The following ZBTB2 variants were observed in gnomAD, a reference collection of about 807,000 sequenced individuals.
ZBTB2 encodes zinc finger and BTB domain-containing protein 2.
ZBTB2 carries 2 observed loss-of-function variants against 39.5 expected under a neutral mutation model. The observed-to-expected ratio is 0.05, with a 90% CI of 0.02 to 0.16. The LOEUF (loss-of-function observed/expected upper bound fraction) is 0.16, where lower values mean the gene tolerates loss of function less well. Ranked by LOEUF, ZBTB2 falls within the 10% of genes least tolerant of loss-of-function variation. The pLI is 1.00. For missense variants in ZBTB2, 391 were observed against 653.0 expected (o/e 0.60, Z 4.37); for synonymous variants, 251 against 256.6 (o/e 0.98, Z 0.21).
chr6:151,372,934 C>CA (rs969169664), intron 2 of ZBTB2, among the ~76,000 whole-genome samples: 8 of 151,866 alleles, frequency 5.3e-5, no homozygotes, highest in Non-Finnish European at 1.2e-4. Context: ...GCGGGCAGAT[C>CA]ACGAGGTCAG....
intron 1 of ZBTB2, among the ~76,000 whole-genome samples, chr6:151,386,695 T>G (rs1218719559): frequency 6.6e-6 from 1 of 152,238 alleles, no homozygotes; most frequent in Non-Finnish European, 1.5e-5. Flanking sequence ...GAGTTTCAAA[T>G]GTGTTTAACT....
intron 1 of ZBTB2, among the ~76,000 whole-genome samples, chr6:151,386,448 T>C (rs1006396940): frequency 2.6e-5 from 4 of 152,150 alleles, no homozygotes; most frequent in Non-Finnish European, 5.9e-5. Context: ...GTGGGAGGAT[T>C]GCTTGAGCCA....
chr6:151,387,391 C>T (rs1351821858), intron 1 of ZBTB2, among the ~76,000 whole-genome samples: 2 of 151,926 alleles, frequency 1.3e-5, no homozygotes, highest in African/African-American at 4.8e-5. Context: ...GCGGAAAAGG[C>T]CATAACAACT....
At chr6:151,373,344 CA>C (rs1778827928) in intron 2 of ZBTB2, 120 bp downstream of exon 2, 2 of 1,112,114 alleles carry the variant, frequency 1.8e-6, no homozygotes, top group East Asian at 2.4e-5. Context: ...AGTGAGGCCA[CA>C]AGGGAGCAGG....
intron 1 of ZBTB2, among the ~76,000 whole-genome samples, chr6:151,390,611 C>G (rs1389625886): frequency 6.6e-6 from 1 of 151,142 alleles, no homozygotes; most frequent in African/African-American, 2.4e-5. Flanking sequence ...CAGCGCGAGA[C>G]CCGAGGAGGC....
chr6:151,373,843 T>TAAAAAAAAAAAAAAAAAAAAAAAAAA, intron 1 of ZBTB2, among the ~76,000 whole-genome samples, 194 bp from the exon 2 acceptor site: 1 of 45,958 alleles, frequency 2.2e-5, no homozygotes, highest in African/African-American at 6.3e-5. Context: ...ATTATGCCTT[T>TAAAAAAAAAAAAAAAAAAAAAAAAAA]AAAAAAAAAA....
intron 1 of ZBTB2, among the ~76,000 whole-genome samples, chr6:151,375,644 T>C (rs4870014): frequency 1 from 152,242 of 152,350 alleles, 76,067 homozygotes; most frequent in Middle Eastern, 1. Flanking sequence ...GCAACCTCCA[T>C]CTCCTGGGTT....
intron 1 of ZBTB2, among the ~76,000 whole-genome samples, chr6:151,375,758 G>C (rs1778894088): frequency 6.6e-6 from 1 of 152,002 alleles, no homozygotes; most frequent in Non-Finnish European, 1.5e-5. Context: ...TAGTAGAGAT[G>C]GGGTTTCACC....
intron 1 of ZBTB2, among the ~76,000 whole-genome samples, chr6:151,385,218 TAAA>T (rs1779127389): frequency 6.6e-6 from 1 of 152,206 alleles, no homozygotes. Flanking sequence ...TTTTCTTAAG[TAAA>T]TTCAGAGACT....
Position 151,365,823 on chromosome 6 carries a change from T to C in ZBTB2, c.1243A>G (p.Ile415Val), listed in dbSNP as rs777180966. ...AARHVCLNQS[I>V]DTYTMVDKQT... ...TTGTCCACCATGGTGTAAGTGTCGA[T>C]GCTCTGGTTGAGGCACACGTGGCGG... The change falls in exon 3 of 3, where the codon ATC (isoleucine) becomes GTC (valine). Residue 415 changes from isoleucine (I) to valine (V), a missense_variant. Physicochemically the swap from Ile to Val is conservative, Grantham distance 29 (BLOSUM62 3). Around this residue, in one of 7 missense-constraint regions of ZBTB2, gnomAD observed 32 missense variants for 73.5 expected, o/e 0.44. Coordinates refer to ENST00000325144, the MANE Select transcript of ZBTB2 (RefSeq NM_020861.3). This position sits in a 1 kb window ranked among gnomAD's most constrained non-coding sequence, Gnocchi z 5.6. 2.3e-5 allele frequency: 37 copies of C among 1,614,142 alleles called. No homozygotes were observed. In the South Asian group the frequency reaches 3.2e-4, roughly 14 times the overall value.
rs1778605863 is a variant in ZBTB2, at chr6:151,364,670, T to C, written c.*851A>G. On this transcript the variant is annotated 3_prime_UTR_variant, in exon 3 of 3. Coordinates refer to ENST00000325144, the MANE Select transcript of ZBTB2 (RefSeq NM_020861.3). ...AAAACAAATTATCACTGGCAGCTGCTAGAAAATGGCATGTCATGTTCTATT... is the reference window on the plus strand; with the variant it reads ...AAAACAAATTATCACTGGCAGCTGCCAGAAAATGGCATGTCATGTTCTATT... 1 of 152,228 alleles carries C rather than the reference T, an allele frequency of 6.6e-6. No individual in the cohort carries two copies. Among genetic ancestry groups the C allele is most frequent in the African/African-American group, 2.4e-5 (1 of 41,450 alleles). 9.4% of individuals were successfully genotyped at this position (152,228 alleles called of 1,614,324 possible). A position where few individuals can be genotyped will look rare whatever the true frequency, so the allele number is the denominator to read the frequency against.
At chr6:151,390,345 G>GC (rs575294099) in intron 1 of ZBTB2, among the ~76,000 whole-genome samples, 1,387 of 121,632 alleles carry the variant, frequency 0.011, 22 homozygotes, top group African/African-American at 0.05. Context: ...CGCCGGCCCC[G>GC]CCCCCTCCCT....
At chr6:151,369,229 CT>C (rs1321966967) in intron 2 of ZBTB2, among the ~76,000 whole-genome samples, 1 of 152,192 alleles carries the variant, frequency 6.6e-6, no homozygotes, top group African/African-American at 2.4e-5. Flanking sequence ...TTGGCCCACA[CT>C]TTAGGCAGGC....
At chr6:151,370,575 G>C (rs1309541788) in intron 2 of ZBTB2, among the ~76,000 whole-genome samples, 1 of 152,156 alleles carries the variant, frequency 6.6e-6, no homozygotes, top group Non-Finnish European at 1.5e-5. Flanking sequence ...TTTTATTTTT[G>C]ATAGCTGAAA....
intron 1 of ZBTB2, among the ~76,000 whole-genome samples, chr6:151,380,048 G>A (rs1346196759): frequency 6.6e-6 from 1 of 151,846 alleles, no homozygotes; most frequent in Non-Finnish European, 1.5e-5. Context: ...ATTTTAGAAT[G>A]TCAATTTAGG....
chr6:151,367,532 C>G (rs985324964), intron 2 of ZBTB2, among the ~76,000 whole-genome samples: 5 of 152,216 alleles, frequency 3.3e-5, no homozygotes, highest in Non-Finnish European at 7.3e-5. Context: ...GATGCCTTCT[C>G]ACTTGATTGT....
At chr6:151,382,584 CTT>C (rs919600376) in intron 1 of ZBTB2, among the ~76,000 whole-genome samples, 3 of 146,370 alleles carry the variant, frequency 2.0e-5, no homozygotes, top group Non-Finnish European at 4.5e-5. Flanking sequence ...GAGTTTCGCT[CTT>C]GTTGCCCAGG....
chr6:151,373,761 C>G, intron 1 of ZBTB2, 112 bp from the exon 2 acceptor site: 1 of 874,984 alleles, frequency 1.1e-6, no homozygotes, highest in Non-Finnish European at 1.6e-6. Flanking sequence ...GCTAACGTGT[C>G]AGGCACTGCT....
In ZBTB2 at chr6:151,365,683, A is replaced by G. The variant is rs561048218; in HGVS notation, c.1383T>C (p.Asn461=). The G allele has an allele frequency of 2.1e-4, 345 of 1,614,168 alleles. 5 individuals are homozygous for G. The South Asian group carries it at 3.5e-3, about 16-fold the overall frequency. Residue 461 remains asparagine, a synonymous_variant, in exon 3 of 3, where the codon AAT becomes AAC. Coordinates refer to ENST00000325144, the MANE Select transcript of ZBTB2 (RefSeq NM_020861.3). The surrounding 1 kb of genome is among the most constrained non-coding windows in gnomAD (Gnocchi z 5.6). ...TTTGGCATGAATGTTTAACAACCTC[A>G]TTGGGAGTGGAGAATGTTTTGTCAC... is the stretch of plus-strand genomic sequence containing the variant. ...NLCDKTFSTP[N]EVVKHSCQNQ...
Sources: allele counts gnomAD v4.1 joint callset (sites outside exome capture counted in the v4.1 genomes callset), GRCh38; gene constraint gnomAD v4.1.1; regional missense constraint gnomAD v4.1.1; non-coding constraint Gnocchi (gnomAD v3.1); transcripts MANE v1.5; gene names NCBI Gene and HGNC (gene_info 2026-07-23, HGNC 2026-07-21).